MYO9B: variants seen among roughly 807,000 people sequenced by gnomAD.
MYO9B encodes the protein myosin IXB, also known as unconventional myosin-IXb.
Under a neutral mutation model 229.5 loss-of-function variants are expected in MYO9B, and 71 were observed. The observed-to-expected ratio is 0.31, with a 90% CI of 0.26 to 0.38. The LOEUF (loss-of-function observed/expected upper bound fraction) is 0.38, where lower values mean the gene tolerates loss of function less well. MYO9B is among the 10% of genes least tolerant of loss of function. The pLI is 1.00. For synonymous variants in MYO9B, 1,185 were observed against 1,235.8 expected, an observed-to-expected ratio of 0.96 and a Z score of 0.86; for missense variants, 2,255 against 2,920.5, an observed-to-expected ratio of 0.77 and a Z score of 5.25.
At chr19:17,091,653 G>T (rs1028922767) in intron 1 of MYO9B, among the ~76,000 whole-genome samples, 4 of 152,186 alleles carry the variant, frequency 2.6e-5, no homozygotes, top group African/African-American at 9.6e-5. Context: ...GTGGGAGCAG[G>T]AGAGGACCAG....
At chr19:17,131,291 CG>C (rs1229277757) in intron 2 of MYO9B, among the ~76,000 whole-genome samples, 1 of 152,186 alleles carries the variant, frequency 6.6e-6, no homozygotes, top group Non-Finnish European at 1.5e-5. Context: ...TTTTTTGAGA[CG>C]GAGTCTCGCT....
At chr19:17,108,744 T>A (rs2057817594) in intron 2 of MYO9B, among the ~76,000 whole-genome samples, 1 of 151,662 alleles carries the variant, frequency 6.6e-6, no homozygotes, top group African/African-American at 2.4e-5. Context: ...TGAGATAGAG[T>A]CTTGCTCTAT....
chr19:17,175,940 C>T (rs1479554638), intron 14 of MYO9B, among the ~76,000 whole-genome samples, 199 bp downstream of exon 14: 1 of 150,920 alleles, frequency 6.6e-6, no homozygotes, highest in Non-Finnish European at 1.5e-5. Flanking sequence ...TCAAGCGATT[C>T]TCCTGCCTCA....
intron 23 of MYO9B, 37 bp from the exon 24 acceptor site, chr19:17,198,147 C>G (rs763434559): frequency 6.2e-7 from 1 of 1,612,112 alleles, no homozygotes; most frequent in Non-Finnish European, 8.5e-7. Flanking sequence ...GGACTGCCAG[C>G]CTTTCCTTAG....
Position 17,101,524 on chromosome 19 carries a change from G to C in MYO9B, c.-58-136G>C. 3 of 848,242 alleles carry C rather than the reference G, an allele frequency of 3.5e-6. No homozygotes were observed. The highest frequency in any genetic ancestry group is 3.7e-4 in the Middle Eastern group (1 of 2,708). The allele number at this position is 848,242 out of a possible 1,614,324, so 52.5% of individuals were successfully genotyped here. A position where few individuals can be genotyped will look rare whatever the true frequency, so the allele number is the denominator to read the frequency against. ...GGGATGTCGTGACTGGTTGCCTCTG[G>C]CTTTTTGGGCGAGCCTAGTCGGGTG... On this transcript the variant is annotated intron_variant, in intron 1 of 39. Transcript: ENST00000682292. This position sits in a 1 kb window ranked among gnomAD's most constrained non-coding sequence, Gnocchi z 4.7.
At position 17,200,308 on chromosome 19, in the gene MYO9B, G is replaced by A; in HGVS notation, c.4254G>A (p.Arg1418=). The A allele has an allele frequency of 6.2e-7, 1 of 1,611,320 alleles. No homozygotes were observed. The highest frequency in any genetic ancestry group is 8.5e-7 in the Non-Finnish European group (1 of 1,179,274). Residue 1418 remains arginine, a synonymous_variant, in exon 25 of 40, where the codon AGG becomes AGA. Coordinates refer to ENST00000682292, the MANE Select transcript of MYO9B (RefSeq NM_004145.4). ...SQVDSKSTFK[R]LFLHKTKDKK... ...TCTCCTGCAGATCCACGTTTAAGAGGCTTTTTCTGCATAAAACCAAGGATA... is the reference window on the plus strand; with the variant it reads ...TCTCCTGCAGATCCACGTTTAAGAGACTTTTTCTGCATAAAACCAAGGATA...
intron 1 of MYO9B, among the ~76,000 whole-genome samples, chr19:17,093,660 A>C (rs959841459): frequency 1.5e-5 from 2 of 137,872 alleles, no homozygotes; most frequent in East Asian, 4.5e-4. Flanking sequence ...TTTTAAATCC[A>C]TGTAATTTTT....
intron 11 of MYO9B, among the ~76,000 whole-genome samples, chr19:17,169,954 GTC>G (rs2072704742): frequency 6.6e-6 from 1 of 151,698 alleles, no homozygotes; most frequent in Non-Finnish European, 1.5e-5. Flanking sequence ...CGATTCTCGT[GTC>G]TCAGCCTCCC....
chr19:17,118,340 G>T (rs1028247881), intron 2 of MYO9B, among the ~76,000 whole-genome samples: 5 of 151,920 alleles, frequency 3.3e-5, no homozygotes, highest in African/African-American at 9.7e-5. Context: ...CATGGCTCAC[G>T]CCTGTAATCC....
In MYO9B at chr19:17,203,175, C is replaced by G; in HGVS notation, c.4907C>G (p.Ala1636Gly). The G allele has an allele frequency of 6.3e-7, 1 of 1,577,092 alleles. No homozygotes were observed. Among genetic ancestry groups the G allele is most frequent in the Non-Finnish European group, 8.6e-7 (1 of 1,161,436 alleles). ...CAGGAGCACAACGGGCACGTGTTCG[C>G]CAGCTACCAGGTTAGCATCCCGCAG... Reference protein sequence around the residue: ...AVQEHNGHVFASYQVSIPQSC... With the variant: ...AVQEHNGHVFGSYQVSIPQSC... Residue 1636 changes from alanine to glycine, a missense_variant, in exon 30 of 40, where the codon GCC becomes GGC. This residue lies in a region of MYO9B where 416 missense variants were observed against 605.5 expected (regional missense o/e 0.69). Transcript: ENST00000682292.
intron 1 of MYO9B, among the ~76,000 whole-genome samples, chr19:17,080,575 C>T (rs1427060981): frequency 6.6e-6 from 1 of 152,146 alleles, no homozygotes; most frequent in Non-Finnish European, 1.5e-5. Flanking sequence ...CCCATAAAGA[C>T]CCTGTCTCTA....
chr19:17,169,654 G>T (rs1280168794), intron 11 of MYO9B, among the ~76,000 whole-genome samples: 1 of 152,034 alleles, frequency 6.6e-6, no homozygotes, highest in Non-Finnish European at 1.5e-5. Context: ...GGCTCCAAGG[G>T]AGGACCCTTT....
chr19:17,099,816 A>C, intron 1 of MYO9B, among the ~76,000 whole-genome samples: 1 of 6,878 alleles, frequency 1.5e-4, no homozygotes, highest in Admixed American at 2.4e-3. Flanking sequence ...AGACTGTCTT[A>C]AAAAAAAAAA....
At chr19:17,198,762 C>T (rs951033902) in intron 24 of MYO9B, among the ~76,000 whole-genome samples, 2 of 147,114 alleles carry the variant, frequency 1.4e-5, no homozygotes, top group African/African-American at 5.0e-5. Flanking sequence ...AAAAAAGCCT[C>T]TAGGGCAGGA....
chr19:17,160,460 A>G (rs1378192807), intron 8 of MYO9B, among the ~76,000 whole-genome samples: 1 of 152,086 alleles, frequency 6.6e-6, no homozygotes, highest in African/African-American at 2.4e-5. Context: ...ATGTGGGGAA[A>G]AAAGCCAATT....
In MYO9B at chr19:17,147,918, G is replaced by A. The variant is rs372235019; in HGVS notation, c.935+2427G>A. Among the ~76,000 whole-genome samples, 10 of 151,030 alleles carry A rather than the reference G, an allele frequency of 6.6e-5. No homozygotes were observed. The South Asian group carries it at 2.1e-3, about 32-fold the overall frequency. On this transcript the variant is annotated intron_variant, in intron 3 of 39. Transcript: ENST00000682292. ...GCTGGTCTCGAACTCCCGACCTCAG[G>A]TGATCTGCCCGCCTTGGTCTCCCGA... is the stretch of plus-strand genomic sequence containing the variant.
Position 17,200,353 on chromosome 19 carries a change from C to A in MYO9B, c.4299C>A (p.Gly1433=), listed in dbSNP as rs1064304. ...KTKDKKYSLE[G]AEELENAVSG... is the part of the protein sequence containing the mutation. ...AGGATAAAAAATACAGCCTGGAGGGCGCAGAGGAGCTGGAGAATGCAGTGT... is the reference window on the plus strand; with the variant it reads ...AGGATAAAAAATACAGCCTGGAGGGAGCAGAGGAGCTGGAGAATGCAGTGT... Residue 1433 remains glycine, a synonymous_variant, in exon 25 of 40, where the codon GGC becomes GGA. Transcript: ENST00000682292. 5 of 1,611,150 alleles carry A rather than the reference C, an allele frequency of 3.1e-6. No individual in the cohort carries two copies. The highest frequency in any genetic ancestry group is 1.3e-5 in the African/African-American group (1 of 75,008).
chr19:17,178,803 G>A (rs1249213621), intron 14 of MYO9B, among the ~76,000 whole-genome samples: 3 of 152,026 alleles, frequency 2.0e-5, no homozygotes, highest in African/African-American at 7.2e-5. Flanking sequence ...GGAGGCATAC[G>A]TGGGCAGGTC....
intron 18 of MYO9B, among the ~76,000 whole-genome samples, chr19:17,186,411 G>A (rs1017214157): frequency 3.9e-5 from 6 of 152,134 alleles, no homozygotes; most frequent in Middle Eastern, 3.2e-3. Flanking sequence ...AGGGGCTCCA[G>A]GCTCAGCACT....
Sources: allele counts gnomAD v4.1 joint callset (sites outside exome capture counted in the v4.1 genomes callset), GRCh38; gene constraint gnomAD v4.1.1; regional missense constraint gnomAD v4.1.1; non-coding constraint Gnocchi (gnomAD v3.1); transcripts MANE v1.5; gene names NCBI Gene and HGNC (gene_info 2026-07-23, HGNC 2026-07-21).